Variants in EMCN observed in about 807,000 individuals in gnomAD.
The protein encoded by EMCN is endomucin.
EMCN carries 37 observed loss-of-function variants against 38.4 expected under a neutral mutation model. The ratio of observed to expected loss-of-function variants is 0.96; its 90% CI spans 0.74 to 1.27. The LOEUF is 1.27. Among genes scored for constraint, EMCN ranks in the 50% most tolerant of loss-of-function variants. EMCN has a pLI of 0.00. For synonymous variants in EMCN, 95 were observed against 100.8 expected (o/e 0.94, Z 0.35); for missense variants, 318 against 302.8 (o/e 1.05, Z -0.37).
intron 1 of EMCN, among the ~76,000 whole-genome samples, chr4:100,499,275 T>A (rs1729288876): frequency 6.6e-6 from 1 of 152,206 alleles, no homozygotes; most frequent in African/African-American, 2.4e-5. Context: ...TTTACCACTT[T>A]GACTGCTTTT....
intron 5 of EMCN, among the ~76,000 whole-genome samples, chr4:100,435,017 T>G (rs1475341201): frequency 1.3e-5 from 2 of 152,128 alleles, no homozygotes; most frequent in African/African-American, 4.8e-5. Flanking sequence ...TATTGGAAGT[T>G]CTGGCCAGGG....
At chr4:100,423,179 G>A (rs1287948652) in intron 6 of EMCN, 99 bp from the exon 7 acceptor site, 6 of 1,357,256 alleles carry the variant, frequency 4.4e-6, no homozygotes, top group Admixed American at 1.7e-5. Flanking sequence ...TGATTTGTAG[G>A]TATGATGCTG....
intron 1 of EMCN, among the ~76,000 whole-genome samples, chr4:100,505,226 G>A (rs1465688865): frequency 6.6e-6 from 1 of 152,158 alleles, no homozygotes; most frequent in Admixed American, 6.5e-5. Flanking sequence ...GCGTCTTGGT[G>A]GTAGTGGTCC....
chr4:100,400,531 A>G (rs1370430284), intron 11 of EMCN, among the ~76,000 whole-genome samples: 1 of 152,150 alleles, frequency 6.6e-6, no homozygotes, highest in Non-Finnish European at 1.5e-5. Flanking sequence ...TTCCACTTCT[A>G]TAAGCTCCTT....
chr4:100,467,005 G>A (rs1397321124), intron 3 of EMCN, among the ~76,000 whole-genome samples: 2 of 152,072 alleles, frequency 1.3e-5, no homozygotes, highest in Admixed American at 1.3e-4. Flanking sequence ...ATATAGCTAA[G>A]AAAGATGTGG....
chr4:100,492,110 A>AATGAACT (rs1268097017), intron 1 of EMCN, among the ~76,000 whole-genome samples: 2 of 152,200 alleles, frequency 1.3e-5, no homozygotes, highest in Non-Finnish European at 2.9e-5. Flanking sequence ...GAAGAAGTTC[A>AATGAACT]ATGAACTATA....
chr4:100,463,255 T>C (rs944478601), intron 4 of EMCN, among the ~76,000 whole-genome samples: 8 of 152,146 alleles, frequency 5.3e-5, no homozygotes, highest in African/African-American at 1.9e-4. Flanking sequence ...TCTCCCAATA[T>C]ACTCTCCATT....
At chr4:100,453,210 A>G (rs1415373135) in intron 4 of EMCN, among the ~76,000 whole-genome samples, 2 of 152,190 alleles carry the variant, frequency 1.3e-5, no homozygotes, top group African/African-American at 4.8e-5. Context: ...ACAGCAAAAG[A>G]AACCACCATC....
intron 1 of EMCN, among the ~76,000 whole-genome samples, chr4:100,514,094 C>A (rs1452114097): frequency 6.6e-6 from 1 of 152,026 alleles, no homozygotes; most frequent in Non-Finnish European, 1.5e-5. Context: ...GACTAAAGAA[C>A]ATTCACCTCT....
At chr4:100,473,700 A>G (rs553750962) in intron 3 of EMCN, among the ~76,000 whole-genome samples, 25 of 152,284 alleles carry the variant, frequency 1.6e-4, no homozygotes, top group African/African-American at 6.0e-4. Flanking sequence ...TCTAACAACT[A>G]CATGAGAAGT....
At chr4:100,456,795 A>C (rs1469858511) in intron 4 of EMCN, among the ~76,000 whole-genome samples, 2 of 152,180 alleles carry the variant, frequency 1.3e-5, no homozygotes, top group Non-Finnish European at 2.9e-5. Context: ...TAGTTGAGAT[A>C]GTTCACTTTC....
Position 100,415,939 on chromosome 4 carries a change from C to A in EMCN, c.710G>T (p.Ser237Ile), listed in dbSNP as rs199751528. 137 of 1,590,792 alleles carry A rather than the reference C, an allele frequency of 8.6e-5. No individual in the cohort carries two copies. In the South Asian group the frequency reaches 1.5e-3, roughly 17 times the overall value. ...TGTCTTAACGGTAAGAAGCTTCACG[C>A]TCTCTTTATCAGACTGAGGTCTATT... Reference protein sequence around the residue: ...GNDQPQSDKESVKLLTVKTIS... With the variant: ...GNDQPQSDKEIVKLLTVKTIS... Residue 237 changes from serine (S) to isoleucine (I), a missense_variant, in exon 10 of 12, where the codon AGC becomes ATC. Ser to Ile is a moderately radical substitution (Grantham distance 142). Transcript: ENST00000296420.
intron 1 of EMCN, among the ~76,000 whole-genome samples, chr4:100,481,695 T>C: frequency 6.6e-6 from 1 of 152,154 alleles, no homozygotes; most frequent in Middle Eastern, 3.4e-3. Context: ...TAATTTTAAA[T>C]TTCATATTGA....
chr4:100,465,850 C>T (rs1295336222), intron 3 of EMCN, among the ~76,000 whole-genome samples: 1 of 152,018 alleles, frequency 6.6e-6, no homozygotes, highest in Non-Finnish European at 1.5e-5. Context: ...TAAATAATTT[C>T]CCCACGGTCA....
At position 100,423,007 on chromosome 4, in the gene EMCN, T is replaced by C. The variant is rs1726935518; in HGVS notation, c.568+14A>G. The C allele has an allele frequency of 1.2e-6, 2 of 1,612,252 alleles. No individual in the cohort carries two copies. The highest frequency in any genetic ancestry group is 1.7e-6 in the Non-Finnish European group (2 of 1,178,662). Reference sequence around the variant, plus strand: ...ATATCTACTGCCATGAATGAAGGCATTGCTGTTACTCACTGGAATAAGACC... The same window carrying C: ...ATATCTACTGCCATGAATGAAGGCACTGCTGTTACTCACTGGAATAAGACC... On this transcript the variant is annotated intron_variant, in intron 7 of 11. Transcript: ENST00000296420.
At position 100,421,378 on chromosome 4, in the gene EMCN, C is replaced by T; in HGVS notation, c.569-1G>A. On this transcript the variant is annotated splice_acceptor_variant, in intron 7 of 11. Coordinates refer to ENST00000296420, the MANE Select transcript of EMCN (RefSeq NM_016242.4). LOFTEE classifies it high-confidence loss of function. Reference sequence around the variant, plus strand: ...GCAATAACCACCGGCAAAATAATACCTAAAAAGAATTGGAGACATTGTCAA... The same window carrying T: ...GCAATAACCACCGGCAAAATAATACTTAAAAAGAATTGGAGACATTGTCAA... The T allele has an allele frequency of 1.2e-6, 2 of 1,610,550 alleles. No individual in the cohort carries two copies. Among genetic ancestry groups the T allele is most frequent in the Non-Finnish European group, 1.7e-6 (2 of 1,177,464 alleles).
At chr4:100,427,899 A>C (rs1338795618) in intron 5 of EMCN, among the ~76,000 whole-genome samples, 1 of 152,034 alleles carries the variant, frequency 6.6e-6, no homozygotes, top group Non-Finnish European at 1.5e-5. Flanking sequence ...CAGGCCAAAG[A>C]CCTATTTTTG....
chr4:100,475,131 AATT>A (rs1489248275), intron 2 of EMCN, 22 bp from the exon 3 acceptor site: 59 of 1,209,878 alleles, frequency 4.9e-5, no homozygotes, highest in Middle Eastern at 2.0e-4. Flanking sequence ...AAATAGATTA[AATT>A]ATTATTAATC....
intron 5 of EMCN, among the ~76,000 whole-genome samples, chr4:100,444,000 C>T (rs1417604420): frequency 6.6e-6 from 1 of 152,166 alleles, no homozygotes; most frequent in Non-Finnish European, 1.5e-5. Context: ...GATGGTGGGA[C>T]ATATCACTAC....
Sources: allele counts gnomAD v4.1 joint callset (sites outside exome capture counted in the v4.1 genomes callset), GRCh38; gene constraint gnomAD v4.1.1; transcripts MANE v1.5; gene names NCBI Gene and HGNC (gene_info 2026-07-23, HGNC 2026-07-21).